Variants in CA10 observed in about 807,000 individuals in gnomAD.
CA10 encodes the protein carbonic anhydrase 10 (inactive).
CA10 carries 14 observed loss-of-function variants against 44.2 expected under a neutral mutation model. The observed-to-expected ratio is 0.32, with a 90% CI of 0.21 to 0.50. The LOEUF (loss-of-function observed/expected upper bound fraction) is 0.50, where lower values mean the gene tolerates loss of function less well. Ranked by LOEUF, CA10 falls within the 20% of genes least tolerant of loss-of-function variation. CA10 has a pLI of 0.99. For synonymous variants in CA10, 159 were observed against 141.6 expected (o/e 1.12, Z -0.87); for missense variants, 350 against 409.7 (o/e 0.85, Z 1.26).
intron 3 of CA10, among the ~76,000 whole-genome samples, chr17:51,929,193 C>T (rs895800460): frequency 1.3e-5 from 2 of 149,960 alleles, no homozygotes; most frequent in South Asian, 4.3e-4. Context: ...CTCTTCTTTC[C>T]CAATAAATTT....
At chr17:52,139,468 G>A (rs1430142547) in intron 1 of CA10, among the ~76,000 whole-genome samples, 3 of 129,922 alleles carry the variant, frequency 2.3e-5, no homozygotes, top group African/African-American at 3.2e-5. Context: ...TTTTTTTTTC[G>A]AAATAATGCA....
At position 51,759,523 on chromosome 17, in the gene CA10, C is replaced by A. The variant is rs76490503; in HGVS notation, c.280-11705G>T. ...TTTTTTTTGGTAAGGATAATATAGG[C>A]ATGATTGGATGTCTATTTACCAGTC... On this transcript the variant is annotated intron_variant, in intron 3 of 8. Coordinates refer to ENST00000451037, the MANE Select transcript of CA10 (RefSeq NM_020178.5). 4.9e-3 allele frequency among the ~76,000 whole-genome samples: 731 copies of A among 149,702 alleles called. 8 individuals carry two copies. The highest frequency in any genetic ancestry group is 0.017 in the African/African-American group (702 of 40,970).
rs947270349 is a variant in CA10 at position 51,744,973 on chromosome 17, C to T, written c.465+2660G>A. ...GAGAGGCTTGGAAAGAAATGTGATA[C>T]GATGACTGCATCTACCCAGGGCAAG... is the stretch of plus-strand genomic sequence containing the variant. On this transcript the variant is annotated intron_variant, in intron 4 of 8. Coordinates refer to ENST00000451037, the MANE Select transcript of CA10 (RefSeq NM_020178.5). 6.6e-5 allele frequency among the ~76,000 whole-genome samples: 10 copies of T among 152,190 alleles called. No individual in the cohort carries two copies. In the East Asian group the frequency reaches 7.7e-4, roughly 12 times the overall value.
intron 3 of CA10, among the ~76,000 whole-genome samples, chr17:51,875,977 C>T (rs552113510): frequency 3.3e-5 from 5 of 152,218 alleles, no homozygotes; most frequent in Admixed American, 3.3e-4. Context: ...TATGCTATTG[C>T]ATTTATCAAT....
At chr17:51,931,245 C>G (rs985170957) in intron 2 of CA10, 113 bp from the exon 3 acceptor site, 3 of 1,025,550 alleles carry the variant, frequency 2.9e-6, no homozygotes, top group African/African-American at 3.2e-5. Context: ...ACCAAATGTT[C>G]CCACCCATGG....
chr17:51,978,281 T>C (rs75554926), intron 2 of CA10, among the ~76,000 whole-genome samples: 3,322 of 151,860 alleles, frequency 0.022, 126 homozygotes, highest in African/African-American at 0.076. Context: ...ATCAAAATAG[T>C]GAGGTATTCA....
chr17:51,867,083 A>G (rs1979581754), intron 3 of CA10, among the ~76,000 whole-genome samples: 2 of 152,118 alleles, frequency 1.3e-5, no homozygotes, highest in East Asian at 3.9e-4. Flanking sequence ...GTGCTATTAA[A>G]AAAAAAAGAG....
rs117345000 is a variant in CA10, at chr17:51,856,128, C to T, written c.279+74862G>A. On this transcript the variant is annotated intron_variant, in intron 3 of 8. Coordinates refer to ENST00000451037, the MANE Select transcript of CA10 (RefSeq NM_020178.5). ...TGTTTCTAGCATTCCCGACCTGTCC[C>T]CTGGACAATCCTGTCTCTTTGCTGC... Among the ~76,000 whole-genome samples the T allele has an allele frequency of 2.2e-3, 342 of 152,232 alleles. 9 individuals are homozygous for T. The East Asian group carries it at 0.047, about 21-fold the overall frequency.
chr17:52,061,660 C>G (rs1478782421), intron 2 of CA10, among the ~76,000 whole-genome samples: 1 of 152,052 alleles, frequency 6.6e-6, no homozygotes, highest in Non-Finnish European at 1.5e-5. Context: ...TGTAAGTGTT[C>G]ACTGGTTCCT....
At chr17:51,931,249 C>T in intron 2 of CA10, 117 bp from the exon 3 acceptor site, 4 of 965,962 alleles carry the variant, frequency 4.1e-6, no homozygotes, top group Non-Finnish European at 6.2e-6. Flanking sequence ...AATGTTCCCA[C>T]CCATGGAGAT....
chr17:51,747,949 T>C, intron 3 of CA10, 131 bp from the exon 4 acceptor site: 1 of 661,396 alleles, frequency 1.5e-6, no homozygotes, highest in East Asian at 2.8e-5. Flanking sequence ...ACATGTGGAG[T>C]AGGGCGTGGC....
intron 3 of CA10, among the ~76,000 whole-genome samples, chr17:51,861,543 G>GTT (rs370260672): frequency 5.8e-5 from 8 of 137,606 alleles, no homozygotes; most frequent in East Asian, 2.2e-4. Context: ...GCAGATGTGT[G>GTT]TTTTTTTTTT....
intron 1 of CA10, among the ~76,000 whole-genome samples, chr17:52,113,242 T>C (rs1805615266): frequency 6.6e-6 from 1 of 152,226 alleles, no homozygotes; most frequent in African/African-American, 2.4e-5. Flanking sequence ...AAGGTAGGAA[T>C]GTAAAGTGGG....
chr17:51,907,111 T>G (rs1236068377), intron 3 of CA10, among the ~76,000 whole-genome samples: 1 of 152,184 alleles, frequency 6.6e-6, no homozygotes, highest in Non-Finnish European at 1.5e-5. Flanking sequence ...ATAGCCTATG[T>G]GGCTCTTGAC....
chr17:51,977,489 ACAGT>A (rs1984503820), intron 2 of CA10, among the ~76,000 whole-genome samples: 1 of 152,060 alleles, frequency 6.6e-6, no homozygotes, highest in Non-Finnish European at 1.5e-5. Context: ...TAAAAACTAA[ACAGT>A]CAATCATGGA....
intron 2 of CA10, among the ~76,000 whole-genome samples, chr17:51,984,212 TAAG>T (rs939836488): frequency 1.3e-5 from 2 of 151,486 alleles, no homozygotes; most frequent in South Asian, 4.2e-4. Flanking sequence ...CAAACACAAA[TAAG>T]AAGAAACCAT....
chr17:52,156,632 G>A (rs1989809778), intron 1 of CA10, among the ~76,000 whole-genome samples: 1 of 152,308 alleles, frequency 6.6e-6, no homozygotes, highest in African/African-American at 2.4e-5. Flanking sequence ...GAAGAGGCAG[G>A]AAACATGTCT....
intron 2 of CA10, among the ~76,000 whole-genome samples, chr17:51,948,316 T>C (rs1160529373): frequency 1.3e-5 from 2 of 152,194 alleles, no homozygotes; most frequent in Non-Finnish European, 2.9e-5. Flanking sequence ...GCTGGAGCTC[T>C]TCCTGTTTGC....
intron 3 of CA10, among the ~76,000 whole-genome samples, chr17:51,791,905 A>G (rs906869539): frequency 7.2e-5 from 11 of 152,124 alleles, no homozygotes; most frequent in African/African-American, 2.7e-4. Context: ...TTTAGAACCT[A>G]TGTAATTCTG....
Sources: gnomAD v4.1 joint callset for allele counts (sites outside exome capture counted in the v4.1 genomes callset) on GRCh38, gnomAD v4.1.1 for gene constraint, MANE v1.5 for transcripts, NCBI Gene and HGNC (gene_info 2026-07-23, HGNC 2026-07-21) for gene names.